The following CGNL1 variants were observed in gnomAD, a reference collection of about 807,000 sequenced individuals.
The protein encoded by CGNL1 is cingulin like 1, also known as cingulin-like protein 1.
Under a neutral mutation model 141.2 loss-of-function variants are expected in CGNL1, and 132 were observed. The ratio of observed to expected loss-of-function variants is 0.93; its 90% CI spans 0.81 to 1.08. The LOEUF (loss-of-function observed/expected upper bound fraction) is 1.08, where lower values mean the gene tolerates loss of function less well. Among genes scored for constraint, CGNL1 ranks in the 50% least tolerant of loss-of-function variants. The probability of loss-of-function intolerance (pLI) is 0.00; values close to 1 mark genes in which losing one functional copy is unlikely to be tolerated. For synonymous variants in CGNL1, 690 were observed against 622.1 expected (o/e 1.11, Z -1.63); for missense variants, 1,870 against 1,588.6 (o/e 1.18, Z -3.01).
At chr15:57,411,249 T>C (rs1157463544) in intron 1 of CGNL1, among the ~76,000 whole-genome samples, 1 of 152,162 alleles carries the variant, frequency 6.6e-6, no homozygotes, top group Non-Finnish European at 1.5e-5. Context: ...TCTAGAGCCT[T>C]CCTGTTCCTC....
At chr15:57,500,028 G>A (rs1311133271) in intron 8 of CGNL1, among the ~76,000 whole-genome samples, 1 of 152,282 alleles carries the variant, frequency 6.6e-6, no homozygotes, top group South Asian at 2.1e-4. Context: ...CTGGTAAATG[G>A]GTTGGGTGGT....
At chr15:57,478,532 G>A (rs1199279619) in intron 8 of CGNL1, among the ~76,000 whole-genome samples, 3 of 152,164 alleles carry the variant, frequency 2.0e-5, no homozygotes, top group Non-Finnish European at 4.4e-5. Context: ...AATAAAGCCT[G>A]CTCCAGAGCA....
intron 8 of CGNL1, among the ~76,000 whole-genome samples, chr15:57,503,901 G>C (rs1371989322): frequency 3.3e-5 from 5 of 152,106 alleles, no homozygotes; most frequent in Non-Finnish European, 4.4e-5. Flanking sequence ...CAACACGTGG[G>C]GATTCTGGGA....
intron 15 of CGNL1, among the ~76,000 whole-genome samples, 178 bp from the exon 16 acceptor site, chr15:57,544,295 G>A (rs1625458): frequency 0.73 from 111,336 of 152,172 alleles, 40,810 homozygotes; most frequent in Admixed American, 0.75. Context: ...GCTGAGTTCA[G>A]GGGTTTTCCT....
rs114526166 is a variant in CGNL1 at position 57,529,332 on chromosome 15, C to T, written c.3201+517C>T. On this transcript the variant is annotated intron_variant, in intron 13 of 18. Transcript: ENST00000281282. ...CTGTGGCTCAATTTACTGTGGTATA[C>T]ATAGTATGTACATAGTCCAAGACAG... is the stretch of plus-strand genomic sequence containing the variant. 9.1e-3 allele frequency among the ~76,000 whole-genome samples: 1,378 copies of T among 152,220 alleles called. 27 individuals are homozygous for T. The highest frequency in any genetic ancestry group is 0.031 in the African/African-American group (1,295 of 41,518).
intron 1 of CGNL1, among the ~76,000 whole-genome samples, chr15:57,392,581 C>G (rs1239945378): frequency 1.3e-5 from 2 of 152,196 alleles, no homozygotes; most frequent in Non-Finnish European, 2.9e-5. Context: ...CATTTCCTAC[C>G]TTTTCCTTGA....
intron 11 of CGNL1, 133 bp from the exon 12 acceptor site, chr15:57,524,448 C>G (rs75353919): frequency 1.2e-6 from 1 of 819,292 alleles, no homozygotes; most frequent in Admixed American, 2.4e-5. Context: ...GACTCAGGAT[C>G]AGGTGCTGGG....
At chr15:57,453,857 C>T in intron 7 of CGNL1, 39 bp downstream of exon 7, 1 of 1,608,176 alleles carries the variant, frequency 6.2e-7, no homozygotes, top group Non-Finnish European at 8.5e-7. Flanking sequence ...AGACAGGCCC[C>T]ACCTGCCTGG....
chr15:57,510,134 G>C lies in CGNL1; in HGVS notation c.2404-6646G>C, dbSNP rs182500596. Among the ~76,000 whole-genome samples the C allele has an allele frequency of 2.7e-5, 4 of 150,356 alleles. No homozygotes were observed. In the East Asian group the frequency reaches 7.7e-4, roughly 29 times the overall value. On this transcript the variant is annotated intron_variant, in intron 8 of 18. Coordinates refer to ENST00000281282, the MANE Select transcript of CGNL1 (RefSeq NM_032866.5). ...GTAGTGGCCTGAAGCCAAGTGTGAC[G>C]ATTTGGAACCACAGCCGGTAAGCTG...
chr15:57,523,731 C>G, intron 11 of CGNL1, 90 bp downstream of exon 11: 1 of 1,413,312 alleles, frequency 7.1e-7, no homozygotes, highest in Non-Finnish European at 9.7e-7. Context: ...GCCTGGGAAA[C>G]CTGCAGTAGG....
rs2152307668 is a variant in CGNL1 at position 57,439,419 on chromosome 15, G to A, written c.1420G>A (p.Glu474Lys). Residue 474 changes from glutamate to lysine, a missense_variant, in exon 2 of 19, where the codon GAA becomes AAA. Physicochemically the swap from Glu to Lys is moderately conservative, Grantham distance 56. Coordinates refer to ENST00000281282, the MANE Select transcript of CGNL1 (RefSeq NM_032866.5). ...CATAGATGGGAAAGTTCTGGAAACC[G>A]AAGGTAGTCAGGAAAGTACAGTGAT... The part of the protein sequence containing the change: ...PNIDGKVLET[E>K]GSQESTVIRA... 1.2e-6 allele frequency: 2 copies of A among 1,614,168 alleles called. No individual in the cohort carries two copies. The highest frequency in any genetic ancestry group is 2.2e-5 in the South Asian group (2 of 91,088).
At chr15:57,538,459 A>G (rs148444855) in intron 14 of CGNL1, among the ~76,000 whole-genome samples, 1 of 149,948 alleles carries the variant, frequency 6.7e-6, no homozygotes, top group Non-Finnish European at 1.5e-5. Flanking sequence ...TGGGGGATAA[A>G]TAATTCCTTT....
At chr15:57,427,367 T>C (rs2062987264) in intron 1 of CGNL1, among the ~76,000 whole-genome samples, 1 of 152,188 alleles carries the variant, frequency 6.6e-6, no homozygotes, top group Non-Finnish European at 1.5e-5. Flanking sequence ...TGTGGACAAA[T>C]ACAGGTGCCT....
At chr15:57,413,851 A>G (rs1338049051) in intron 1 of CGNL1, among the ~76,000 whole-genome samples, 4 of 152,040 alleles carry the variant, frequency 2.6e-5, no homozygotes, top group Non-Finnish European at 5.9e-5. Flanking sequence ...TGGCCTTTTC[A>G]TCCCCCAGTG....
chr15:57,513,679 C>A (rs1388645962), intron 8 of CGNL1, among the ~76,000 whole-genome samples: 6 of 152,048 alleles, frequency 3.9e-5, no homozygotes, highest in African/African-American at 1.4e-4. Context: ...TGCTACCATG[C>A]CTGGCTAATT....
At chr15:57,389,068 A>G (rs1460252818) in intron 1 of CGNL1, among the ~76,000 whole-genome samples, 1 of 151,374 alleles carries the variant, frequency 6.6e-6, no homozygotes. Context: ...GCACGAGGGG[A>G]TGTCAACTAC....
At chr15:57,539,337 C>T (rs369754291) in intron 14 of CGNL1, among the ~76,000 whole-genome samples, 1 of 152,148 alleles carries the variant, frequency 6.6e-6, no homozygotes, top group South Asian at 2.1e-4. Flanking sequence ...TTCCTCTCCC[C>T]ACCCACATTC....
intron 16 of CGNL1, 142 bp from the exon 17 acceptor site, chr15:57,545,448 TGC>T: frequency 1.6e-6 from 1 of 634,976 alleles, no homozygotes; most frequent in South Asian, 2.0e-5. Context: ...CAGCTTTTTC[TGC>T]TGTGAAGTTG....
intron 13 of CGNL1, among the ~76,000 whole-genome samples, chr15:57,529,485 A>C (rs1196564242): frequency 1.3e-5 from 2 of 152,078 alleles, no homozygotes; most frequent in African/African-American, 4.8e-5. Context: ...TGAGGTTGAC[A>C]AGAAGAACCT....
Sources: gnomAD v4.1 joint callset for allele counts (sites outside exome capture counted in the v4.1 genomes callset) on GRCh38, gnomAD v4.1.1 for gene constraint, MANE v1.5 for transcripts, NCBI Gene and HGNC (gene_info 2026-07-23, HGNC 2026-07-21) for gene names.